KAZN: variants seen among roughly 807,000 people sequenced by gnomAD.
KAZN encodes the protein kazrin, periplakin interacting protein, also known as kazrin.
A neutral mutation model predicts 87.4 loss-of-function variants in KAZN; 40 were observed. That is an observed-to-expected ratio of 0.46 (90% confidence interval 0.36 to 0.60). The LOEUF (loss-of-function observed/expected upper bound fraction) is 0.60. KAZN is among the 20% of genes least tolerant of loss of function. The pLI, the probability that KAZN is intolerant of heterozygous loss-of-function variation, is 0.00. For synonymous variants in KAZN, 466 were observed against 458.3 expected (o/e 1.02, Z -0.22); for missense variants, 898 against 1,073.9 (o/e 0.84, Z 2.29).
Position 15,065,650 on chromosome 1 carries a change from C to T in KAZN, c.1119C>T (p.Asp373=), listed in dbSNP as rs762762057. The change falls in exon 8 of 15, where the codon GAC becomes GAT. Residue 373 remains aspartate, a synonymous_variant. Coordinates refer to ENST00000376030, the MANE Select transcript of KAZN (RefSeq NM_201628.3). ...CTCAGTCACTAGAGGATCTTGAAGA[C>T]CAAAAACGGAAAAAGAAGAAAGAGA... The part of the protein sequence containing the change: ...PIVQSLEDLE[D]QKRKKKKEKM... 1.2e-6 allele frequency: 2 copies of T among 1,613,588 alleles called. No homozygotes were observed. The highest frequency in any genetic ancestry group is 2.2e-5 in the South Asian group (2 of 90,996).
chr1:14,620,532 G>A (rs963851772), intron 1 of KAZN, among the ~76,000 whole-genome samples: 4 of 152,206 alleles, frequency 2.6e-5, no homozygotes, highest in African/African-American at 7.2e-5. Flanking sequence ...AGCCCTGTTG[G>A]ATAGATTTGG....
At chr1:14,215,666 G>A (rs987568395) in intron 2 of KAZN, among the ~76,000 whole-genome samples, 2 of 152,178 alleles carry the variant, frequency 1.3e-5, no homozygotes, top group African/African-American at 2.4e-5. Context: ...TAAAGGTACT[G>A]TTGTCTTTGC....
chr1:14,772,023 C>T (rs1553128317), intron 1 of KAZN, among the ~76,000 whole-genome samples: 1 of 152,026 alleles, frequency 6.6e-6, no homozygotes, highest in Non-Finnish European at 1.5e-5. Flanking sequence ...GAAATTGGTG[C>T]TCTTTCTAAG....
intron 1 of KAZN, among the ~76,000 whole-genome samples, chr1:13,979,399 A>G (rs1638544937): frequency 6.6e-6 from 1 of 152,236 alleles, no homozygotes. Context: ...AAGTCAGTGA[A>G]AGAAAATAAA....
At chr1:14,492,515 G>A (rs2148410448) in intron 2 of KAZN, among the ~76,000 whole-genome samples, 1 of 151,084 alleles carries the variant, frequency 6.6e-6, no homozygotes, top group South Asian at 2.1e-4. Flanking sequence ...ACAGAGGTGG[G>A]CAGACATGGC....
chr1:14,881,352 T>C (rs1306635785), intron 1 of KAZN, among the ~76,000 whole-genome samples: 5 of 152,202 alleles, frequency 3.3e-5, no homozygotes, highest in Non-Finnish European at 5.9e-5. Flanking sequence ...ACAAATGCCA[T>C]TGGCATGTGA....
intron 2 of KAZN, among the ~76,000 whole-genome samples, chr1:14,345,739 G>A (rs2100922015): frequency 6.6e-6 from 1 of 152,302 alleles, no homozygotes; most frequent in South Asian, 2.1e-4. Context: ...ATACATGAGT[G>A]AATAAGTGGA....
chr1:14,690,771 A>C (rs1226504917), intron 1 of KAZN, among the ~76,000 whole-genome samples: 1 of 152,154 alleles, frequency 6.6e-6, no homozygotes, highest in Non-Finnish European at 1.5e-5. Context: ...TTCATTCAAG[A>C]AGACTGACTC....
intron 2 of KAZN, among the ~76,000 whole-genome samples, chr1:14,345,018 A>G (rs1658010625): frequency 6.6e-6 from 1 of 151,262 alleles, no homozygotes; most frequent in African/African-American, 2.4e-5. Context: ...TCCAGGGTTC[A>G]AGCTACTCTC....
chr1:14,276,696 T>C (rs911873354), intron 2 of KAZN, among the ~76,000 whole-genome samples: 1 of 152,198 alleles, frequency 6.6e-6, no homozygotes, highest in Admixed American at 6.5e-5. Flanking sequence ...TCCAGTAGGA[T>C]CACAGCTCAC....
At chr1:14,441,632 C>G (rs1666713106) in intron 2 of KAZN, among the ~76,000 whole-genome samples, 1 of 152,100 alleles carries the variant, frequency 6.6e-6, no homozygotes, top group South Asian at 2.1e-4. Context: ...CTGCAACCCT[C>G]AAATGTCTCA....
intron 6 of KAZN, chr1:15,062,719 T>C (rs1486645847): frequency 1.3e-5 from 2 of 152,250 alleles, no homozygotes; most frequent in Non-Finnish European, 2.9e-5. Flanking sequence ...ATCTGTGGGC[T>C]CCAGACAGGG....
intron 2 of KAZN, among the ~76,000 whole-genome samples, chr1:14,397,127 T>C (rs890804012): frequency 7.9e-5 from 12 of 152,190 alleles, no homozygotes; most frequent in African/African-American, 2.7e-4. Context: ...TCTCTGTAGC[T>C]ATAGTCTTTA....
At chr1:14,353,311 G>A (rs1185331030) in intron 2 of KAZN, among the ~76,000 whole-genome samples, 1 of 144,312 alleles carries the variant, frequency 6.9e-6, no homozygotes, top group African/African-American at 2.6e-5. Flanking sequence ...TGCAAGCTCT[G>A]CCTCCCAGGG....
At chr1:14,754,180 GCTGCAGGGCCCACCCTGGGCTTTCTGCC>G (rs1031717966) in intron 1 of KAZN, among the ~76,000 whole-genome samples, 1 of 152,240 alleles carries the variant, frequency 6.6e-6, no homozygotes, top group Non-Finnish European at 1.5e-5. Flanking sequence ...GGGGTGGACA[GCTGCAGGGCCCACCCTGGGCTTTCTGCC>G]CAGGGTGCTT....
intron 2 of KAZN, among the ~76,000 whole-genome samples, chr1:14,484,358 CA>C (rs770845089): frequency 3.1e-4 from 47 of 149,536 alleles, no homozygotes; most frequent in African/African-American, 8.8e-4. Flanking sequence ...TTTACACCAC[CA>C]AAAAAAAATA....
chr1:14,691,648 A>G (rs1641316491), intron 1 of KAZN, among the ~76,000 whole-genome samples: 1 of 151,928 alleles, frequency 6.6e-6, no homozygotes, highest in South Asian at 2.1e-4. Context: ...CACCACGCCC[A>G]GCTACTTTTT....
At chr1:14,762,549 C>G (rs1479383402) in intron 1 of KAZN, among the ~76,000 whole-genome samples, 1 of 152,062 alleles carries the variant, frequency 6.6e-6, no homozygotes, top group African/African-American at 2.4e-5. Context: ...CATGGTGAAA[C>G]CCCGTCTCTA....
At chr1:14,410,335 T>C (rs1372833257) in intron 2 of KAZN, among the ~76,000 whole-genome samples, 1 of 152,152 alleles carries the variant, frequency 6.6e-6, no homozygotes, top group African/African-American at 2.4e-5. Context: ...CTCATAGCCT[T>C]AAGTGATCCA....
Sources: gnomAD v4.1 joint callset for allele counts (sites outside exome capture counted in the v4.1 genomes callset) on GRCh38, gnomAD v4.1.1 for gene constraint, MANE v1.5 for transcripts, NCBI Gene and HGNC (gene_info 2026-07-23, HGNC 2026-07-21) for gene names.